Variants in SPAG16 observed in about 807,000 individuals in gnomAD.
The protein encoded by SPAG16 is sperm-associated antigen 16 protein.
SPAG16 carries 86 observed loss-of-function variants against 80.4 expected under a neutral mutation model. That is an observed-to-expected ratio of 1.07 (90% CI 0.90 to 1.28). SPAG16 has a LOEUF of 1.28. Among genes scored for constraint, SPAG16 ranks in the 50% most tolerant of loss-of-function variants. The probability of loss-of-function intolerance (pLI) is 0.00; values close to 1 mark genes in which losing one functional copy is unlikely to be tolerated. For missense variants in SPAG16, 870 were observed against 765.3 expected (o/e 1.14, Z -1.61); for synonymous variants, 294 against 265.9 (o/e 1.11, Z -1.03).
At chr2:213,531,449 G>C (rs1400307180) in intron 10 of SPAG16, among the ~76,000 whole-genome samples, 1 of 150,202 alleles carries the variant, frequency 6.7e-6, no homozygotes, top group Admixed American at 6.7e-5. Flanking sequence ...CAGCAATTTA[G>C]CAATAGAGGA....
rs2070943891 is a variant in SPAG16, at chr2:213,795,110, T to C, written c.1071-67375T>C. Among the ~76,000 whole-genome samples, 2 of 152,278 alleles carry C rather than the reference T, an allele frequency of 1.3e-5. 1 individual carries two copies. Among genetic ancestry groups the C allele is most frequent in the Middle Eastern group, 6.8e-3 (2 of 294 alleles). ...TGATAAGCCCCATTTCAGTATATCA[T>C]TATAGATAATTGAAAGTTCATTCTC... On this transcript the variant is annotated intron_variant, in intron 10 of 15. Transcript: ENST00000331683.
chr2:214,381,950 A>C (rs1056525394), intron 15 of SPAG16, among the ~76,000 whole-genome samples: 2 of 152,220 alleles, frequency 1.3e-5, no homozygotes, highest in Non-Finnish European at 2.9e-5. Flanking sequence ...TCCTCAGTGC[A>C]ATATTAATTC....
chr2:213,492,662 T>A (rs2074312193), intron 10 of SPAG16, among the ~76,000 whole-genome samples: 1 of 150,280 alleles, frequency 6.7e-6, no homozygotes, highest in African/African-American at 2.4e-5. Flanking sequence ...AATTATATAC[T>A]TTTTTAAGGA....
chr2:213,462,506 G>A (rs747243487), intron 9 of SPAG16, among the ~76,000 whole-genome samples: 15 of 152,142 alleles, frequency 9.9e-5, no homozygotes, highest in Non-Finnish European at 1.9e-4. Flanking sequence ...ATCTCATCCC[G>A]AATTATAAAC....
At chr2:213,471,567 G>C (rs553104111) in intron 9 of SPAG16, among the ~76,000 whole-genome samples, 1 of 152,300 alleles carries the variant, frequency 6.6e-6, no homozygotes, top group South Asian at 2.1e-4. Context: ...AAATTTTAGA[G>C]GCCTCTGCTG....
intron 9 of SPAG16, among the ~76,000 whole-genome samples, chr2:213,470,727 G>A (rs1403101008): frequency 2.0e-5 from 3 of 152,212 alleles, no homozygotes; most frequent in African/African-American, 7.2e-5. Flanking sequence ...TGACAGGCTT[G>A]GCTGGGGAAA....
chr2:213,488,884 C>A (rs1203364660), intron 9 of SPAG16, among the ~76,000 whole-genome samples: 1 of 148,428 alleles, frequency 6.7e-6, no homozygotes, highest in Non-Finnish European at 1.5e-5. Flanking sequence ...TGAGACCAGC[C>A]TGGCCAATAT....
At chr2:213,811,221 A>G (rs115253475) in intron 10 of SPAG16, among the ~76,000 whole-genome samples, 1,662 of 152,244 alleles carry the variant, frequency 0.011, 28 homozygotes, top group African/African-American at 0.038. Context: ...TGTCTAATGT[A>G]GCTCTTGGAA....
chr2:213,427,922 C>T (rs917024070), intron 9 of SPAG16, among the ~76,000 whole-genome samples: 2 of 152,106 alleles, frequency 1.3e-5, no homozygotes, highest in Non-Finnish European at 2.9e-5. Flanking sequence ...AAAATTAGTA[C>T]ATTGTATTTC....
intron 10 of SPAG16, among the ~76,000 whole-genome samples, chr2:213,841,183 T>G (rs1291878410): frequency 6.6e-6 from 1 of 152,152 alleles, no homozygotes; most frequent in African/African-American, 2.4e-5. Context: ...GTATGTTCAT[T>G]TGTATGTCAC....
At chr2:213,601,761 A>G (rs754907496) in intron 10 of SPAG16, among the ~76,000 whole-genome samples, 2 of 152,242 alleles carry the variant, frequency 1.3e-5, no homozygotes, top group Non-Finnish European at 2.9e-5. Context: ...TTGTGTTACA[A>G]TTGCCTATAG....
chr2:214,062,667 C>CTTTTTTTTTTTTTTTTTTTTTTTT (rs36069141), intron 13 of SPAG16, among the ~76,000 whole-genome samples: 2 of 122,784 alleles, frequency 1.6e-5, no homozygotes, highest in African/African-American at 6.2e-5. Context: ...ATAGCCTCCT[C>CTTTTTTTTTTTTTTTTTTTTTTTT]TTTTTTTTTT....
chr2:213,566,806 C>G (rs999496119), intron 10 of SPAG16, among the ~76,000 whole-genome samples: 9 of 152,100 alleles, frequency 5.9e-5, no homozygotes, highest in African/African-American at 2.2e-4. Flanking sequence ...ATATTCAGCT[C>G]GCCTTTCCTG....
intron 15 of SPAG16, among the ~76,000 whole-genome samples, chr2:214,348,780 C>T (rs112049752): frequency 1.0e-3 from 152 of 152,212 alleles, no homozygotes; most frequent in African/African-American, 3.2e-3. Context: ...AATCCCCCAC[C>T]GCACCCTGTC....
chr2:213,757,079 A>C (rs1250460293), intron 10 of SPAG16, among the ~76,000 whole-genome samples: 2 of 152,226 alleles, frequency 1.3e-5, no homozygotes, highest in African/African-American at 4.8e-5. Context: ...TTGTGATTTC[A>C]TATACTAACA....
intron 15 of SPAG16, among the ~76,000 whole-genome samples, chr2:214,352,572 G>GTGTGTGTGTGTGTA (rs1179061926): frequency 1.6e-5 from 1 of 60,710 alleles, no homozygotes; most frequent in Non-Finnish European, 6.1e-5. Context: ...GTGTGTGTGT[G>GTGTGTGTGTGTGTA]TGTATGTGTG....
rs988048653 is a variant in SPAG16 at position 213,882,706 on chromosome 2, G to T, written c.1214+20078G>T. Reference sequence around the variant, plus strand: ...TATCTTCTCTTTTTTTGTTAATCTAGCTAGTGGTCTATTCATCTAATTTTT... The same window carrying T: ...TATCTTCTCTTTTTTTGTTAATCTATCTAGTGGTCTATTCATCTAATTTTT... On this transcript the variant is annotated intron_variant, in intron 11 of 15. Coordinates refer to ENST00000331683, the MANE Select transcript of SPAG16 (RefSeq NM_024532.5). Among the ~76,000 whole-genome samples, 2 of 151,988 alleles carry T rather than the reference G, an allele frequency of 1.3e-5. 1 individual carries two copies. The highest frequency in any genetic ancestry group is 4.1e-4 in the South Asian group (2 of 4,832).
At chr2:213,456,107 T>G (rs908582047) in intron 9 of SPAG16, among the ~76,000 whole-genome samples, 6 of 152,214 alleles carry the variant, frequency 3.9e-5, no homozygotes, top group Non-Finnish European at 8.8e-5. Flanking sequence ...TGGCGTGTGG[T>G]TACACTTTTG....
At chr2:213,899,730 C>T (rs1046934054) in intron 11 of SPAG16, among the ~76,000 whole-genome samples, 7 of 152,046 alleles carry the variant, frequency 4.6e-5, no homozygotes, top group Non-Finnish European at 7.4e-5. Context: ...ATCCTAGGGC[C>T]TTCAAATAGT....
Sources: allele counts gnomAD v4.1 joint callset (sites outside exome capture counted in the v4.1 genomes callset), GRCh38; gene constraint gnomAD v4.1.1; transcripts MANE v1.5; gene names NCBI Gene and HGNC (gene_info 2026-07-23, HGNC 2026-07-21).